Variants in WNT8B observed in about 807,000 individuals in gnomAD.
The protein encoded by WNT8B is Wnt family member 8B, also known as protein Wnt-8b.
In WNT8B, 24 loss-of-function variants were observed where a neutral mutation model predicts 36.6. That is an observed-to-expected ratio of 0.66 (90% CI 0.48 to 0.92). The LOEUF (loss-of-function observed/expected upper bound fraction) is 0.92. WNT8B is among the 40% of genes least tolerant of loss of function. WNT8B has a pLI of 0.00. For synonymous variants in WNT8B, 199 were observed against 189.8 expected, an observed-to-expected ratio of 1.05 and a Z score of -0.40; for missense variants, 402 against 470.8, an observed-to-expected ratio of 0.85 and a Z score of 1.35.
intron 1 of WNT8B, among the ~76,000 whole-genome samples, chr10:100,472,345 G>C (rs541087343): frequency 1.3e-5 from 2 of 151,806 alleles, no homozygotes; most frequent in Non-Finnish European, 2.9e-5. Context: ...TGATCCGCCC[G>C]CCTCAGCCTC....
Position 100,481,826 on chromosome 10 carries a change from C to T in WNT8B, c.368-86C>T, listed in dbSNP as rs978980512. 7 of 1,551,772 alleles carry T rather than the reference C, an allele frequency of 4.5e-6. No individual in the cohort carries two copies. The Admixed American group carries it at 1.3e-4, about 29-fold the overall frequency. On this transcript the variant is annotated intron_variant, in intron 4 of 5. Coordinates refer to ENST00000343737, the MANE Select transcript of WNT8B (RefSeq NM_003393.4). ...TAATCCTCTCCTATCCTGGACCCCC[C>T]CACCCCCAACCCAATTAGAAACAGC...
intron 1 of WNT8B, among the ~76,000 whole-genome samples, chr10:100,478,023 A>G (rs1045096967): frequency 3.3e-5 from 5 of 150,430 alleles, no homozygotes; most frequent in African/African-American, 4.9e-5. Flanking sequence ...GATTCAGGTG[A>G]TCCACCTGCC....
At chr10:100,471,693 G>C (rs983544479) in intron 1 of WNT8B, among the ~76,000 whole-genome samples, 9 of 152,196 alleles carry the variant, frequency 5.9e-5, no homozygotes, top group African/African-American at 2.2e-4. Flanking sequence ...GGACTGCCTA[G>C]GCTCCAGCCC....
intron 1 of WNT8B, among the ~76,000 whole-genome samples, chr10:100,471,427 G>A (rs1850976414): frequency 6.6e-6 from 1 of 152,250 alleles, no homozygotes; most frequent in South Asian, 2.1e-4. Context: ...CAGGGCCTGT[G>A]CCCTGGCAGA....
In WNT8B at chr10:100,481,961, A is replaced by G. The variant is rs1448851649; in HGVS notation, c.417A>G (p.Gly139=). ...WGGCSDNVGF[G]EAISKQFVDA... The stretch of plus-strand genomic sequence containing the variant: ...GCTGCAGTGACAATGTGGGCTTCGG[A>G]GAGGCGATTTCCAAGCAGTTTGTCG... Residue 139 remains glycine (G), a synonymous_variant, in exon 5 of 6, where the codon GGA becomes GGG. Transcript: ENST00000343737. 1 of 1,613,886 alleles carries G rather than the reference A, an allele frequency of 6.2e-7. No homozygotes were observed. The highest frequency in any genetic ancestry group is 1.3e-5 in the African/African-American group (1 of 74,836).
intron 1 of WNT8B, among the ~76,000 whole-genome samples, chr10:100,465,248 A>G (rs1481902495): frequency 6.6e-6 from 1 of 152,138 alleles, no homozygotes; most frequent in Non-Finnish European, 1.5e-5. Flanking sequence ...TATTTGCCAC[A>G]GTTTTTTATA....
At chr10:100,473,381 A>G (rs1850999875) in intron 1 of WNT8B, among the ~76,000 whole-genome samples, 1 of 152,200 alleles carries the variant, frequency 6.6e-6, no homozygotes, top group South Asian at 2.1e-4. Flanking sequence ...CCATTTTAGA[A>G]CATTTTAATC....
intron 1 of WNT8B, among the ~76,000 whole-genome samples, chr10:100,469,255 C>G (rs1479523336): frequency 6.6e-6 from 1 of 152,178 alleles, no homozygotes; most frequent in East Asian, 1.9e-4. Context: ...CTCCCCCAAC[C>G]AGTTAGCACT....
chr10:100,481,982 T>C lies in WNT8B; in HGVS notation c.438T>C (p.Phe146=). The C allele has an allele frequency of 3.7e-6, 6 of 1,614,128 alleles. No homozygotes were observed. The South Asian group carries it at 5.5e-5, about 15-fold the overall frequency. The change falls in exon 5 of 6, where the codon TTT becomes TTC. Residue 146 remains phenylalanine, a synonymous_variant. Transcript: ENST00000343737. The part of the protein sequence containing the change: ...VGFGEAISKQ[F]VDALETGQDA... ...TCGGAGAGGCGATTTCCAAGCAGTT[T>C]GTCGATGCCCTGGAAACAGGACAGG...
chr10:100,477,178 C>G (rs887633482), intron 1 of WNT8B, among the ~76,000 whole-genome samples: 2 of 152,122 alleles, frequency 1.3e-5, no homozygotes, highest in Non-Finnish European at 2.9e-5. Context: ...TTAATCACTC[C>G]GTAACTTCCT....
intron 2 of WNT8B, 62 bp from the exon 3 acceptor site, chr10:100,479,812 G>T: frequency 6.3e-7 from 1 of 1,581,632 alleles, no homozygotes; most frequent in Non-Finnish European, 8.6e-7. Flanking sequence ...AGGGCTGTTT[G>T]GTCAGTTTAG....
chr10:100,471,184 C>T (rs1333232818), intron 1 of WNT8B, among the ~76,000 whole-genome samples: 1 of 152,226 alleles, frequency 6.6e-6, no homozygotes, highest in African/African-American at 2.4e-5. Flanking sequence ...GGCTATCCAT[C>T]TAGGTTTGTA....
chr10:100,464,089 T>A (rs929605965), intron 1 of WNT8B, among the ~76,000 whole-genome samples: 5 of 152,204 alleles, frequency 3.3e-5, no homozygotes, highest in Non-Finnish European at 7.3e-5. Context: ...ATTTTGACCA[T>A]CTATTTAACA....
intron 4 of WNT8B, 109 bp downstream of exon 4, chr10:100,481,232 C>A (rs550547851): frequency 1.3e-5 from 18 of 1,434,544 alleles, no homozygotes; most frequent in African/African-American, 1.1e-4. Flanking sequence ...TGAAGAAAAT[C>A]ATGCGGAAGA....
chr10:100,476,319 C>T (rs1339255163), intron 1 of WNT8B, among the ~76,000 whole-genome samples: 1 of 151,736 alleles, frequency 6.6e-6, no homozygotes, highest in Non-Finnish European at 1.5e-5. Flanking sequence ...AAAAATAGGC[C>T]TTAGTTTTGA....
intron 1 of WNT8B, among the ~76,000 whole-genome samples, chr10:100,478,298 C>T (rs528326884): frequency 3.3e-5 from 5 of 152,102 alleles, no homozygotes; most frequent in Non-Finnish European, 7.4e-5. Flanking sequence ...CCTGAACACA[C>T]GTTTAACTTT....
intron 1 of WNT8B, among the ~76,000 whole-genome samples, chr10:100,477,720 T>C (rs999364718): frequency 3.9e-5 from 6 of 152,136 alleles, no homozygotes; most frequent in Non-Finnish European, 7.3e-5. Flanking sequence ...TTTATTTCTC[T>C]GGGATAAATG....
chr10:100,471,382 A>G (rs192849011), intron 1 of WNT8B, among the ~76,000 whole-genome samples: 71 of 152,318 alleles, frequency 4.7e-4, no homozygotes, highest in Admixed American at 1.5e-3. Flanking sequence ...TGCCTAGAAA[A>G]TGTGCCCAGG....
At chr10:100,470,677 G>A (rs1347904264) in intron 1 of WNT8B, among the ~76,000 whole-genome samples, 5 of 152,182 alleles carry the variant, frequency 3.3e-5, no homozygotes, top group Non-Finnish European at 7.3e-5. Context: ...GTCCTGGGTG[G>A]TAAGAGGAAA....
Sources: gnomAD v4.1 joint callset for allele counts (sites outside exome capture counted in the v4.1 genomes callset) on GRCh38, gnomAD v4.1.1 for gene constraint, MANE v1.5 for transcripts, NCBI Gene and HGNC (gene_info 2026-07-23, HGNC 2026-07-21) for gene names.